Variants in KALRN observed in about 807,000 individuals in gnomAD.
The protein encoded by KALRN is kalirin.
A neutral mutation model predicts 353.7 loss-of-function variants in KALRN; 70 were observed. That is an observed-to-expected ratio of 0.20 (90% CI 0.16 to 0.24). KALRN has a LOEUF of 0.24. KALRN is among the 10% of genes least tolerant of loss of function. The pLI, the probability that KALRN is intolerant of heterozygous loss-of-function variation, is 1.00. For synonymous variants in KALRN, 1,391 were observed against 1,434.8 expected (o/e 0.97, Z 0.69); for missense variants, 2,791 against 3,756.7 (o/e 0.74, Z 6.72).
At chr3:124,392,936 C>G (rs111497419) in intron 11 of KALRN, among the ~76,000 whole-genome samples, 5 of 117,304 alleles carry the variant, frequency 4.3e-5, no homozygotes, top group African/African-American at 1.3e-4. Context: ...ATCCCTCCCC[C>G]CTCCCCCCAC....
Position 124,052,787 on chromosome 3 carries a change from G to T in KALRN, c.73+18974G>T, listed in dbSNP as rs561660549. Among the ~76,000 whole-genome samples, 11 of 152,088 alleles carry T rather than the reference G, an allele frequency of 7.2e-5. No individual in the cohort carries two copies. The South Asian group carries it at 1.5e-3, about 20-fold the overall frequency. On this transcript the variant is annotated intron_variant, in intron 1 of 59. Transcript: ENST00000682506. ...TAGTGGATAGCAGGGCCATAAATGA[G>T]GAATGAAGTCTATGTTGGTGGATAT...
chr3:124,330,209 C>G (rs2080365463), intron 8 of KALRN, among the ~76,000 whole-genome samples: 1 of 151,160 alleles, frequency 6.6e-6, no homozygotes, highest in African/African-American at 2.4e-5. Flanking sequence ...TTAGGCACCA[C>G]TTTGGTGCAC....
intron 1 of KALRN, among the ~76,000 whole-genome samples, chr3:124,110,524 G>A (rs1172696440): frequency 2.0e-5 from 3 of 151,276 alleles, no homozygotes; most frequent in Non-Finnish European, 4.4e-5. Context: ...ACAAATGTGG[G>A]TCTCTTTCTG....
intron 1 of KALRN, among the ~76,000 whole-genome samples, chr3:124,138,290 C>G (rs940016436): frequency 1.3e-5 from 2 of 152,180 alleles, no homozygotes; most frequent in African/African-American, 4.8e-5. Context: ...GAGACCTACT[C>G]TTTTCCACTC....
At chr3:124,491,292 C>A (rs1303838619) in intron 30 of KALRN, 31 bp from the exon 31 acceptor site, 1 of 1,503,438 alleles carries the variant, frequency 6.7e-7, no homozygotes. Flanking sequence ...CCTCCCCTTC[C>A]CCGCCTCTCA....
At chr3:124,682,422 G>T (rs2061382172) in intron 51 of KALRN, among the ~76,000 whole-genome samples, 1 of 152,110 alleles carries the variant, frequency 6.6e-6, no homozygotes, top group African/African-American at 2.4e-5. Flanking sequence ...TGACATAATG[G>T]GACCATGCAC....
At chr3:124,035,236 T>C (rs1018885227) in intron 1 of KALRN, among the ~76,000 whole-genome samples, 1 of 151,976 alleles carries the variant, frequency 6.6e-6, no homozygotes, top group African/African-American at 2.4e-5. Flanking sequence ...TCTCTCTCTC[T>C]CTCTCATACA....
At chr3:124,123,199 C>CAAAAA (rs4048341) in intron 1 of KALRN, among the ~76,000 whole-genome samples, 1,880 of 143,602 alleles carry the variant, frequency 0.013, 31 homozygotes, top group African/African-American at 0.015. Flanking sequence ...GACTCCATCT[C>CAAAAA]AAAAAAAAAA....
At chr3:124,589,625 AG>A (rs1405286281) in intron 34 of KALRN, among the ~76,000 whole-genome samples, 2 of 152,190 alleles carry the variant, frequency 1.3e-5, no homozygotes, top group African/African-American at 4.8e-5. Context: ...TTCACCATCC[AG>A]GGGATAAAAT....
rs761612101 is a variant in KALRN, at chr3:124,395,170, G to T, written c.1998G>T (p.Met666Ile). 12 of 1,613,414 alleles carry T rather than the reference G, an allele frequency of 7.4e-6. No individual in the cohort carries two copies. The highest frequency in any genetic ancestry group is 9.3e-6 in the Non-Finnish European group (11 of 1,179,832). Residue 666 changes from methionine (M) to isoleucine (I), a missense_variant, in exon 12 of 60, where the codon ATG (methionine) becomes ATT (isoleucine). Physicochemically the swap from Met to Ile is conservative, Grantham distance 10. This residue lies in a region of KALRN where 452 missense variants were observed against 575.8 expected (regional missense o/e 0.78). Coordinates refer to ENST00000682506, the MANE Select transcript of KALRN (RefSeq NM_001388419.1). ...WTWMEDLQKEMLEDVCADSVD... is the reference protein window; with the variant it reads ...WTWMEDLQKEILEDVCADSVD... ...GGATGGAAGACCTTCAGAAGGAGAT[G>T]TTGGAGGATGTCTGTGCAGATTCTG...
chr3:124,473,681 C>G (rs1212997429), intron 25 of KALRN, among the ~76,000 whole-genome samples: 1 of 152,114 alleles, frequency 6.6e-6, no homozygotes, highest in African/African-American at 2.4e-5. Flanking sequence ...CCATCTTTTG[C>G]TTGTATAAAC....
intron 1 of KALRN, among the ~76,000 whole-genome samples, chr3:124,041,585 T>G (rs566477164): frequency 6.6e-6 from 1 of 152,188 alleles, no homozygotes; most frequent in African/African-American, 2.4e-5. Context: ...TCTGCATAAG[T>G]AGAAGAATGG....
intron 45 of KALRN, among the ~76,000 whole-genome samples, chr3:124,662,193 CTTTTTTTTTTTTT>C (rs10549005): frequency 6.2e-5 from 6 of 96,860 alleles, no homozygotes; most frequent in African/African-American, 1.3e-4. Context: ...ACCCAGAATT[CTTTTTTTTTTTTT>C]TTTTTTTTTT....
chr3:124,443,497 A>G (rs1452963765), intron 19 of KALRN, among the ~76,000 whole-genome samples: 1 of 152,202 alleles, frequency 6.6e-6, no homozygotes, highest in African/African-American at 2.4e-5. Flanking sequence ...GAGAGGAGGG[A>G]GCAGAGTTTC....
chr3:124,485,758 T>C (rs2108313789), intron 28 of KALRN, among the ~76,000 whole-genome samples: 1 of 152,222 alleles, frequency 6.6e-6, no homozygotes, highest in South Asian at 2.1e-4. Flanking sequence ...CGTGCACCTG[T>C]AGTCCCAGCT....
intron 1 of KALRN, among the ~76,000 whole-genome samples, chr3:124,211,004 T>A (rs181564855): frequency 6.6e-6 from 1 of 152,314 alleles, no homozygotes; most frequent in East Asian, 1.9e-4. Context: ...TTCCTCTAAG[T>A]TATTATGTCT....
chr3:124,169,526 T>G (rs1158759390), intron 1 of KALRN, among the ~76,000 whole-genome samples: 1 of 152,082 alleles, frequency 6.6e-6, no homozygotes, highest in Non-Finnish European at 1.5e-5. Context: ...CAACTACTGG[T>G]GCAGTGGAAT....
intron 5 of KALRN, among the ~76,000 whole-genome samples, chr3:124,277,616 C>T (rs1044842806): frequency 6.6e-6 from 1 of 152,194 alleles, no homozygotes; most frequent in African/African-American, 2.4e-5. Context: ...TCCTTTCTCC[C>T]TCTCCTTTCT....
At chr3:124,332,621 C>T (rs1354903972) in intron 8 of KALRN, among the ~76,000 whole-genome samples, 4 of 152,010 alleles carry the variant, frequency 2.6e-5, no homozygotes, top group African/African-American at 9.7e-5. Flanking sequence ...ATTATTGATG[C>T]CCGTGATTGT....
Sources: gnomAD v4.1 joint callset for allele counts (sites outside exome capture counted in the v4.1 genomes callset) on GRCh38, gnomAD v4.1.1 for gene constraint, gnomAD v4.1.1 regional missense constraint, MANE v1.5 for transcripts, NCBI Gene and HGNC (gene_info 2026-07-23, HGNC 2026-07-21) for gene names.